RYR3: variants seen among roughly 807,000 people sequenced by gnomAD.
RYR3 encodes brain ryanodine receptor-calcium release channel.
In RYR3, 207 loss-of-function variants were observed where a neutral mutation model predicts 584.3. The ratio of observed to expected loss-of-function variants is 0.35; its 90% CI spans 0.32 to 0.40. RYR3 has a LOEUF of 0.40. Among genes scored for constraint, RYR3 ranks in the 10% least tolerant of loss-of-function variants. The probability of loss-of-function intolerance (pLI) is 1.00; values close to 1 mark genes in which losing one functional copy is unlikely to be tolerated. For synonymous variants in RYR3, 2,416 were observed against 2,248.5 expected (o/e 1.07, Z -2.11); for missense variants, 5,616 against 6,089.2 (o/e 0.92, Z 2.59).
At chr15:33,632,530 G>C (rs562002649) in intron 23 of RYR3, among the ~76,000 whole-genome samples, 1 of 152,262 alleles carries the variant, frequency 6.6e-6, no homozygotes, top group South Asian at 2.1e-4. Context: ...TGATTATTCT[G>C]TGCTGATTTA....
intron 47 of RYR3, among the ~76,000 whole-genome samples, chr15:33,730,111 T>TCATGAA (rs143262359): frequency 6.6e-6 from 1 of 151,644 alleles, no homozygotes; most frequent in East Asian, 1.9e-4. Context: ...TAATGAATAA[T>TCATGAA]TATGAATAAT....
intron 43 of RYR3, among the ~76,000 whole-genome samples, chr15:33,708,581 A>G (rs1312911436): frequency 6.6e-6 from 1 of 152,250 alleles, no homozygotes; most frequent in Non-Finnish European, 1.5e-5. Flanking sequence ...CTACAATTCT[A>G]TAATGCAACA....
At chr15:33,327,947 G>C (rs933054084) in intron 1 of RYR3, among the ~76,000 whole-genome samples, 7 of 152,130 alleles carry the variant, frequency 4.6e-5, no homozygotes, top group African/African-American at 9.7e-5. Flanking sequence ...GAAATTGCAG[G>C]TTATATTCTG....
chr15:33,836,076 G>A (rs979953164), intron 87 of RYR3, among the ~76,000 whole-genome samples: 3 of 150,362 alleles, frequency 2.0e-5, no homozygotes, highest in Admixed American at 6.6e-5. Context: ...TCTGAAAGTT[G>A]AAGGGCTAGG....
chr15:33,449,152 C>T (rs896031949), intron 1 of RYR3, among the ~76,000 whole-genome samples: 3 of 152,178 alleles, frequency 2.0e-5, no homozygotes, highest in African/African-American at 7.2e-5. Flanking sequence ...GCTGCAGCCT[C>T]TGGCTCTGGT....
chr15:33,628,544 A>C lies in RYR3; in HGVS notation c.2648A>C (p.Asn883Thr). The C allele has an allele frequency of 6.2e-7, 1 of 1,613,702 alleles. No homozygotes were observed. The highest frequency in any genetic ancestry group is 8.5e-7 in the Non-Finnish European group (1 of 1,179,626). The part of the protein sequence containing the change: ...AENIHELWGM[N>T]KIELGWTFGK... ...AACATCCATGAGCTTTGGGGAATGA[A>C]TAAAATAGAACTTGGCTGGACTTTC... The change falls in exon 21 of 104, where the codon AAT becomes ACT. Residue 883 changes from asparagine (N) to threonine (T), a missense_variant. By Grantham distance (65) the Asn-to-Thr change is moderately conservative. Around this residue, in one of 9 missense-constraint regions of RYR3, gnomAD observed 1,284 missense variants for 1,344.6 expected, o/e 0.95. Coordinates refer to ENST00000634891, the MANE Select transcript of RYR3 (RefSeq NM_001036.6).
chr15:33,627,178 T>A (rs150303411), intron 20 of RYR3, among the ~76,000 whole-genome samples: 1 of 152,236 alleles, frequency 6.6e-6, no homozygotes, highest in East Asian at 1.9e-4. Context: ...AAAGTGTGGG[T>A]CCCGTGTTAG....
At position 33,838,133 on chromosome 15, in the gene RYR3, C is replaced by T; in HGVS notation, c.12153C>T (p.Ser4051=). 1 of 1,613,976 alleles carries T rather than the reference C, an allele frequency of 6.2e-7. No homozygotes were observed. The highest frequency in any genetic ancestry group is 1.1e-5 in the South Asian group (1 of 91,078). Reference sequence around the variant, plus strand: ...GTGTTTATTTTGAGATCAGTGAATCCAGTCGCACTCAGTGGGAGAAGCCCC... The same window carrying T: ...GTGTTTATTTTGAGATCAGTGAATCTAGTCGCACTCAGTGGGAGAAGCCCC... ...IERVYFEISE[S]SRTQWEKPQV... The change falls in exon 89 of 104, where the codon TCC becomes TCT. Residue 4051 remains serine, a synonymous_variant. Transcript: ENST00000634891.
chr15:33,726,493 C>T lies in RYR3; in HGVS notation c.7020C>T (p.Pro2340=), dbSNP rs746840759. The T allele has an allele frequency of 1.9e-6, 3 of 1,597,504 alleles. No homozygotes were observed. The highest frequency in any genetic ancestry group is 1.7e-5 in the Admixed American group (1 of 57,668). ...TCATCAGCATCCCCTTGAAACTGCC[C>T]TCCCTCAACAAAGGTAAGGGGAGTG... ...VGIISIPLKL[P]SLNKDGSVSE... Residue 2340 remains proline (P), a synonymous_variant, in exon 46 of 104, where the codon CCC becomes CCT. Coordinates refer to ENST00000634891, the MANE Select transcript of RYR3 (RefSeq NM_001036.6).
At position 33,709,499 on chromosome 15, in the gene RYR3, G is replaced by A. The variant is rs907136848; in HGVS notation, c.6619+2445G>A. On this transcript the variant is annotated intron_variant, in intron 43 of 103. Coordinates refer to ENST00000634891, the MANE Select transcript of RYR3 (RefSeq NM_001036.6). ...AAGCATGTTTTAGAAACTTAATCCC[G>A]AGAGTTGGGAGATGGGGCCTAATTG... 9.9e-5 allele frequency among the ~76,000 whole-genome samples: 15 copies of A among 152,186 alleles called. No homozygotes were observed. The East Asian group carries it at 1.7e-3, about 18-fold the overall frequency.
intron 3 of RYR3, among the ~76,000 whole-genome samples, chr15:33,518,062 G>A (rs1299557997): frequency 6.6e-6 from 1 of 152,180 alleles, no homozygotes; most frequent in Non-Finnish European, 1.5e-5. Flanking sequence ...TTGATGACTG[G>A]ACAATGATAG....
chr15:33,475,033 A>G (rs554687207), intron 2 of RYR3, among the ~76,000 whole-genome samples: 7 of 152,236 alleles, frequency 4.6e-5, no homozygotes, highest in African/African-American at 1.7e-4. Context: ...TTTTGTTCTT[A>G]GCTAGGTTTT....
chr15:33,416,595 T>C lies in RYR3; in HGVS notation c.52-56824T>C, dbSNP rs140507832. Among the ~76,000 whole-genome samples, 1,066 of 152,352 alleles carry C rather than the reference T, an allele frequency of 7.0e-3. 10 individuals carry two copies. Among genetic ancestry groups the C allele is most frequent in the Non-Finnish European group, 0.011 (741 of 68,030 alleles). On this transcript the variant is annotated intron_variant, in intron 1 of 103. Transcript: ENST00000634891. ...ATAGATTCTGGATATTAGTCCTTTGTCAGATGCACAGTTTGCAAATATATT... is the reference window on the plus strand; with the variant it reads ...ATAGATTCTGGATATTAGTCCTTTGCCAGATGCACAGTTTGCAAATATATT...
chr15:33,741,288 A>C (rs1433941933), intron 51 of RYR3, among the ~76,000 whole-genome samples: 12 of 152,238 alleles, frequency 7.9e-5, no homozygotes, highest in African/African-American at 2.7e-4. Flanking sequence ...CTTAGCACGC[A>C]TAGTCACCAG....
Position 33,772,174 on chromosome 15 carries a change from A to G in RYR3, c.9055+16A>G, listed in dbSNP as rs767500675. 2.1e-5 allele frequency: 33 copies of G among 1,552,724 alleles called. No individual in the cohort carries two copies. The highest frequency in any genetic ancestry group is 5.4e-5 in the African/African-American group (4 of 73,692). On this transcript the variant is annotated intron_variant, in intron 63 of 103. Coordinates refer to ENST00000634891, the MANE Select transcript of RYR3 (RefSeq NM_001036.6). ...GATCTACTCTGTGAGTTCTACTGGTATTTGTCGTGGATGTATGTGCACATG... is the reference window on the plus strand; with the variant it reads ...GATCTACTCTGTGAGTTCTACTGGTGTTTGTCGTGGATGTATGTGCACATG...
At chr15:33,406,400 C>A (rs1485860685) in intron 1 of RYR3, among the ~76,000 whole-genome samples, 1 of 152,198 alleles carries the variant, frequency 6.6e-6, no homozygotes, top group Non-Finnish European at 1.5e-5. Flanking sequence ...TCTTCCATAC[C>A]TCTGGCCTCA....
intron 1 of RYR3, among the ~76,000 whole-genome samples, chr15:33,433,128 A>T (rs188467579): frequency 6.6e-6 from 1 of 152,160 alleles, no homozygotes; most frequent in Non-Finnish European, 1.5e-5. Context: ...TATCTGCTGC[A>T]TAGAGATGTA....
At chr15:33,532,419 C>G (rs2054961464) in intron 4 of RYR3, among the ~76,000 whole-genome samples, 1 of 152,036 alleles carries the variant, frequency 6.6e-6, no homozygotes, top group South Asian at 2.1e-4. Flanking sequence ...CATCCATGTC[C>G]CTCCACACTA....
At chr15:33,626,536 C>T (rs1302191032) in intron 20 of RYR3, among the ~76,000 whole-genome samples, 3 of 152,180 alleles carry the variant, frequency 2.0e-5, no homozygotes, top group Non-Finnish European at 4.4e-5. Context: ...GCATATATAA[C>T]AAGGAGCCGA....
Sources: gnomAD v4.1 joint callset for allele counts (sites outside exome capture counted in the v4.1 genomes callset) on GRCh38, gnomAD v4.1.1 for gene constraint, gnomAD v4.1.1 regional missense constraint, MANE v1.5 for transcripts, NCBI Gene and HGNC (gene_info 2026-07-23, HGNC 2026-07-21) for gene names.